Variants in FYB1 observed in about 807,000 individuals in gnomAD.
FYB1 encodes FYN-binding protein 1.
A neutral mutation model predicts 94.1 loss-of-function variants in FYB1; 41 were observed. The ratio of observed to expected loss-of-function variants is 0.44; its 90% CI spans 0.34 to 0.57. The LOEUF is 0.57. Among genes scored for constraint, FYB1 ranks in the 20% least tolerant of loss-of-function variants. The probability of loss-of-function intolerance (pLI) is 0.02; values close to 1 mark genes in which losing one functional copy is unlikely to be tolerated. For missense variants in FYB1, 1,050 were observed against 976.8 expected (o/e 1.07, Z -1.00); for synonymous variants, 367 against 353.2 (o/e 1.04, Z -0.44).
intron 2 of FYB1, among the ~76,000 whole-genome samples, chr5:39,165,200 G>T (rs554213679): frequency 6.6e-6 from 1 of 152,238 alleles, no homozygotes; most frequent in East Asian, 1.9e-4. Flanking sequence ...TAAACAAAAA[G>T]AACAAAGCTG....
chr5:39,243,893 C>G (rs1439216165), intron 1 of FYB1, among the ~76,000 whole-genome samples: 1 of 152,122 alleles, frequency 6.6e-6, no homozygotes, highest in South Asian at 2.1e-4. Context: ...ATTTTATTCT[C>G]TTTGAAGCAA....
At position 39,134,208 on chromosome 5, in the gene FYB1, C is replaced by A; in HGVS notation, c.1817G>T (p.Ser606Ile). The change falls in exon 9 of 19, where the codon AGC (serine) becomes ATC (isoleucine). Residue 606 changes from serine (S) to isoleucine (I), a missense_variant and splice_region_variant. By Grantham distance (142) the Ser-to-Ile change is moderately radical. Coordinates refer to ENST00000512982, the MANE Select transcript of FYB1 (RefSeq NM_001465.6). ...TTCTACAATACGTACTTGCACATACCTGCTAATATCATCCTGCTCTGCAAC... is the reference window on the plus strand; with the variant it reads ...TTCTACAATACGTACTTGCACATACATGCTAATATCATCCTGCTCTGCAAC... ...DDVAEQDDIS[S>I]HSQSGSGGIF... 1 of 1,607,028 alleles carries A rather than the reference C, an allele frequency of 6.2e-7. No homozygotes were observed. The highest frequency in any genetic ancestry group is 8.5e-7 in the Non-Finnish European group (1 of 1,174,830).
chr5:39,131,953 G>A (rs1741237259), intron 9 of FYB1, among the ~76,000 whole-genome samples: 1 of 152,212 alleles, frequency 6.6e-6, no homozygotes, highest in African/African-American at 2.4e-5. Context: ...GGTAGAGAGA[G>A]CAGGATGTGA....
chr5:39,256,841 G>A lies in FYB1; in HGVS notation c.-28+17562C>T, dbSNP rs550342298. ...ACATGTGATAAAATTAATTTCTCTC[G>A]GATGAATGTCCTCTTGTGATAAAGT... On this transcript the variant is annotated intron_variant, in intron 1 of 1. Coordinates refer to the FYB1 transcript ENST00000510188. 1.4e-4 allele frequency among the ~76,000 whole-genome samples: 22 copies of A among 152,184 alleles called. No individual in the cohort carries two copies. In the South Asian group the frequency reaches 1.5e-3, roughly 10 times the overall value.
chr5:39,150,489 C>T (rs2252820), intron 3 of FYB1, among the ~76,000 whole-genome samples: 140,725 of 152,286 alleles, frequency 0.92, 65,905 homozygotes, highest in Non-Finnish European at 1. Flanking sequence ...ACTTACTTTA[C>T]TTTATGGAAC....
chr5:39,209,648 T>G (rs1695779883), intron 1 of FYB1, among the ~76,000 whole-genome samples: 2 of 152,220 alleles, frequency 1.3e-5, no homozygotes, highest in South Asian at 4.2e-4. Context: ...TCTTAATGAA[T>G]TATAATTTAC....
At chr5:39,127,702 A>G (rs754805073) in intron 11 of FYB1, 39 bp downstream of exon 11, 3 of 1,553,452 alleles carry the variant, frequency 1.9e-6, no homozygotes, top group South Asian at 2.5e-5. Flanking sequence ...CAATGTATAT[A>G]TAATAATTTG....
chr5:39,123,882 G>A (rs564873458), intron 13 of FYB1, among the ~76,000 whole-genome samples: 1 of 152,196 alleles, frequency 6.6e-6, no homozygotes, highest in East Asian at 1.9e-4. Context: ...AGATTTAGAA[G>A]AGGCTTACTG....
At chr5:39,219,386 C>G in intron 1 of FYB1, 57 bp downstream of exon 1, 5 of 969,348 alleles carry the variant, frequency 5.2e-6, no homozygotes, top group Non-Finnish European at 6.1e-6. Flanking sequence ...GTGCTTTTTT[C>G]CTGCTATAAA....
chr5:39,266,324 G>T (rs1171015523), intron 1 of FYB1, among the ~76,000 whole-genome samples: 1 of 152,172 alleles, frequency 6.6e-6, no homozygotes, highest in East Asian at 1.9e-4. Flanking sequence ...AAAGAGGGCT[G>T]AAGAGATAGG....
intron 1 of FYB1, among the ~76,000 whole-genome samples, chr5:39,247,297 A>G (rs1053518525): frequency 1.3e-5 from 2 of 151,624 alleles, no homozygotes; most frequent in Non-Finnish European, 2.9e-5. Flanking sequence ...TCTATTTTGT[A>G]TATCTTTACT....
At chr5:39,110,684 G>A (rs1047833922) in intron 16 of FYB1, 17 of 304,134 alleles carry the variant, frequency 5.6e-5, no homozygotes, top group Non-Finnish European at 9.9e-5. Context: ...ACTGTAGGCT[G>A]TAGCACAGAG....
chr5:39,125,109 A>G (rs937708117), intron 12 of FYB1, among the ~76,000 whole-genome samples: 2 of 151,998 alleles, frequency 1.3e-5, no homozygotes, highest in Non-Finnish European at 2.9e-5. Context: ...ATTTTTAAGT[A>G]AGGGTTATAT....
intron 12 of FYB1, 129 bp downstream of exon 12, chr5:39,125,869 A>C (rs576699095): frequency 4.3e-6 from 4 of 922,156 alleles, no homozygotes; most frequent in African/African-American, 1.7e-5. Flanking sequence ...AAGATGATTA[A>C]CGGAAAATTG....
intron 1 of FYB1, among the ~76,000 whole-genome samples, chr5:39,261,514 A>G (rs929196857): frequency 6.6e-6 from 1 of 152,142 alleles, no homozygotes; most frequent in African/African-American, 2.4e-5. Context: ...TGGGAGGCCA[A>G]GGCAGGTGGA....
chr5:39,112,349 A>G (rs1739146356), intron 16 of FYB1, among the ~76,000 whole-genome samples: 1 of 152,046 alleles, frequency 6.6e-6, no homozygotes. Flanking sequence ...ACTCATGTTG[A>G]TGTTAATAAT....
rs1038249094 is a variant in FYB1, at chr5:39,126,130, G to A, written c.1913C>T (p.Thr638Ile). ...IEEEDADDGS[T>I]LQVQEKSNTW... is the part of the protein sequence containing the mutation. The stretch of plus-strand genomic sequence containing the variant: ...ATTACTCTTCTCTTGAACCTGTAGT[G>A]TGGAGCTTTGGAGCATGCAGGCATT... Residue 638 changes from threonine (T) to isoleucine (I), a missense_variant, in exon 12 of 19, where the codon ACA becomes ATA. Coordinates refer to ENST00000512982, the MANE Select transcript of FYB1 (RefSeq NM_001465.6). The A allele has an allele frequency of 3.7e-6, 6 of 1,613,140 alleles. No homozygotes were observed. Among genetic ancestry groups the A allele is most frequent in the Admixed American group, 3.3e-5 (2 of 59,894 alleles).
At chr5:39,245,951 T>A (rs574149231) in intron 1 of FYB1, among the ~76,000 whole-genome samples, 14 of 152,292 alleles carry the variant, frequency 9.2e-5, no homozygotes, top group Admixed American at 3.3e-4. Flanking sequence ...CCATTATAGA[T>A]CTTTCTTTAA....
At chr5:39,153,641 A>C in intron 2 of FYB1, 37 bp from the exon 3 acceptor site, 1 of 1,550,896 alleles carries the variant, frequency 6.4e-7, no homozygotes, top group Admixed American at 2.1e-5. Context: ...GAATTAAGAC[A>C]AATCTTCAAA....
Sources: allele counts gnomAD v4.1 joint callset (sites outside exome capture counted in the v4.1 genomes callset), GRCh38; gene constraint gnomAD v4.1.1; transcripts MANE v1.5; gene names NCBI Gene and HGNC (gene_info 2026-07-23, HGNC 2026-07-21).